Variants in LRFN5 observed in about 807,000 individuals in gnomAD.
LRFN5 encodes the protein leucine rich repeat and fibronectin type III domain containing 5.
In LRFN5, 24 loss-of-function variants were observed where a neutral mutation model predicts 45.6. The observed-to-expected ratio is 0.53, with a 90% CI of 0.38 to 0.74. LRFN5 has a LOEUF of 0.74. Ranked by LOEUF, LRFN5 falls within the 30% of genes least tolerant of loss-of-function variation. The pLI is 0.00. For missense variants in LRFN5, 776 were observed against 861.5 expected, an observed-to-expected ratio of 0.90 and a Z score of 1.24; for synonymous variants, 340 against 313.8, an observed-to-expected ratio of 1.08 and a Z score of -0.88.
At chr14:41,776,973 A>G (rs1299193121) in intron 2 of LRFN5, among the ~76,000 whole-genome samples, 1 of 152,004 alleles carries the variant, frequency 6.6e-6, no homozygotes, top group Non-Finnish European at 1.5e-5. Context: ...TTACACATTG[A>G]ATTGGAATTC....
At chr14:41,721,036 A>G (rs1379796441) in intron 1 of LRFN5, among the ~76,000 whole-genome samples, 1 of 152,080 alleles carries the variant, frequency 6.6e-6, no homozygotes, top group Non-Finnish European at 1.5e-5. Context: ...TAGGTCTAGA[A>G]GTAGTTGTTT....
intron 1 of LRFN5, among the ~76,000 whole-genome samples, chr14:41,717,200 C>T (rs139803770): frequency 1.3e-5 from 2 of 152,224 alleles, no homozygotes; most frequent in South Asian, 2.1e-4. Flanking sequence ...TTATGGACGT[C>T]GTGGTTGCCC....
At chr14:41,886,500 AATT>A (rs2139150540) in intron 2 of LRFN5, 103 bp from the exon 3 acceptor site, 1 of 773,926 alleles carries the variant, frequency 1.3e-6, no homozygotes, top group African/African-American at 1.8e-5. Flanking sequence ...AAACAAGTGA[AATT>A]ATTTCTCTAT....
chr14:41,891,886 T>C lies in LRFN5; in HGVS notation c.2022T>C (p.Thr674=). ...ESQNTNRNNS[T]ALQLASRPPD... ...AAAACACTAACAGGAACAACTCAAC[T>C]GCCTTGCAGTTAGCTAGCCGTCCTC... Residue 674 remains threonine (T), a synonymous_variant, in exon 4 of 6, where the codon ACT becomes ACC. Coordinates refer to ENST00000298119, the MANE Select transcript of LRFN5 (RefSeq NM_152447.5). 1.2e-6 allele frequency: 2 copies of C among 1,614,172 alleles called. No individual in the cohort carries two copies. Among genetic ancestry groups the C allele is most frequent in the Non-Finnish European group, 1.7e-6 (2 of 1,180,042 alleles).
chr14:41,757,891 C>G (rs1292239386), intron 1 of LRFN5, among the ~76,000 whole-genome samples: 1 of 152,158 alleles, frequency 6.6e-6, no homozygotes, highest in Non-Finnish European at 1.5e-5. Flanking sequence ...ATTCGGCCAT[C>G]TTGGCTCCAG....
chr14:41,621,341 A>T (rs1888128976), intron 1 of LRFN5, among the ~76,000 whole-genome samples: 1 of 152,148 alleles, frequency 6.6e-6, no homozygotes, highest in African/African-American at 2.4e-5. Flanking sequence ...TTGGTATTGT[A>T]GGATTATCAG....
chr14:41,638,720 C>A (rs59937937), intron 1 of LRFN5, among the ~76,000 whole-genome samples: 1 of 151,572 alleles, frequency 6.6e-6, no homozygotes, highest in Non-Finnish European at 1.5e-5. Context: ...ATTAATGTAA[C>A]CTAATATGAT....
chr14:41,622,467 A>G (rs1397772367), intron 1 of LRFN5, among the ~76,000 whole-genome samples: 1 of 152,092 alleles, frequency 6.6e-6, no homozygotes, highest in Non-Finnish European at 1.5e-5. Context: ...AGGACCATAT[A>G]CATGTATGAA....
chr14:41,709,465 C>T (rs1264291702), intron 1 of LRFN5, among the ~76,000 whole-genome samples: 1 of 152,006 alleles, frequency 6.6e-6, no homozygotes, highest in East Asian at 1.9e-4. Flanking sequence ...AAGATGTTGA[C>T]AGGGAAATAC....
At chr14:41,849,458 A>G (rs1272460506) in intron 2 of LRFN5, among the ~76,000 whole-genome samples, 8 of 151,486 alleles carry the variant, frequency 5.3e-5, no homozygotes. Context: ...AAAAAACAAA[A>G]GTGGGAGGCT....
At chr14:41,677,696 A>C (rs866822161) in intron 1 of LRFN5, among the ~76,000 whole-genome samples, 7 of 152,230 alleles carry the variant, frequency 4.6e-5, no homozygotes, top group Middle Eastern at 3.4e-3. Context: ...TAGTTATGTG[A>C]TCCAATGAAC....
At chr14:41,713,345 G>T (rs1360459487) in intron 1 of LRFN5, among the ~76,000 whole-genome samples, 1 of 151,990 alleles carries the variant, frequency 6.6e-6, no homozygotes, top group Admixed American at 6.6e-5. Context: ...TGCAAACCAT[G>T]GAAAGCAGTA....
At chr14:41,626,164 A>C (rs1566593355) in intron 1 of LRFN5, among the ~76,000 whole-genome samples, 1 of 152,114 alleles carries the variant, frequency 6.6e-6, no homozygotes, top group African/African-American at 2.4e-5. Flanking sequence ...AAAAATTCAT[A>C]GTAATAAAAA....
chr14:41,698,378 A>T (rs189320686), intron 1 of LRFN5, among the ~76,000 whole-genome samples: 6 of 152,240 alleles, frequency 3.9e-5, no homozygotes, highest in Non-Finnish European at 8.8e-5. Context: ...ATTTTACATT[A>T]AATAATTGCC....
At chr14:41,881,645 A>T (rs1457169905) in intron 2 of LRFN5, among the ~76,000 whole-genome samples, 1 of 152,094 alleles carries the variant, frequency 6.6e-6, no homozygotes, top group African/African-American at 2.4e-5. Flanking sequence ...TGATAATATT[A>T]ATCATTCAAA....
At chr14:41,610,683 A>AAAAAAAAAAAAAAAAAAAGG (rs1887720009) in intron 1 of LRFN5, among the ~76,000 whole-genome samples, 1 of 144,660 alleles carries the variant, frequency 6.9e-6, no homozygotes, top group Non-Finnish European at 1.5e-5. Context: ...AAAAAAAAAA[A>AAAAAAAAAAAAAAAAAAAGG]GTGTATTGCC....
rs141458106 is a variant in LRFN5, at chr14:41,704,408, T to TTCTCTC, written c.-196-62410_-196-62405dup. ...ATTTTCTAGACTTATTGTTATACTT[T>TTCTCTC]TCTCTCTCTCTCTCTCTCTCTCTCT... On this transcript the variant is annotated intron_variant, in intron 1 of 5. Coordinates refer to ENST00000298119, the MANE Select transcript of LRFN5 (RefSeq NM_152447.5). 3.2e-3 allele frequency among the ~76,000 whole-genome samples: 331 copies of TTCTCTC among 102,320 alleles called. 8 individuals are homozygous for TTCTCTC. Among genetic ancestry groups the TTCTCTC allele is most frequent in the African/African-American group, 0.01 (250 of 24,044 alleles). The allele number at this position is 102,320 out of a possible 152,430, so 67.1% of individuals were successfully genotyped here.
At chr14:41,827,772 T>C (rs932557081) in intron 2 of LRFN5, among the ~76,000 whole-genome samples, 1 of 152,076 alleles carries the variant, frequency 6.6e-6, no homozygotes, top group African/African-American at 2.4e-5. Flanking sequence ...AATTTTTTAT[T>C]TGTTTATAAT....
At chr14:41,854,087 TATTTGTTTAATAAGAGAGCACCAGAACAC>T (rs1294831051) in intron 2 of LRFN5, among the ~76,000 whole-genome samples, 1 of 152,138 alleles carries the variant, frequency 6.6e-6, no homozygotes. Flanking sequence ...TTTCCTTGCA[TATTTGTTTAATAAGAGAGCACCAGAACAC>T]ATTTGTGTGC....
Sources: allele counts gnomAD v4.1 joint callset (sites outside exome capture counted in the v4.1 genomes callset), GRCh38; gene constraint gnomAD v4.1.1; transcripts MANE v1.5; gene names NCBI Gene and HGNC (gene_info 2026-07-23, HGNC 2026-07-21).